The following NKAIN2 variants were observed in gnomAD, a reference collection of about 807,000 sequenced individuals.
The protein encoded by NKAIN2 is sodium/potassium-transporting ATPase subunit beta-1-interacting protein 2.
In NKAIN2, 14 loss-of-function variants were observed where a neutral mutation model predicts 32.6. The observed-to-expected ratio is 0.43, with a 90% CI of 0.28 to 0.67. The LOEUF is 0.67. NKAIN2 is among the 30% of genes least tolerant of loss of function. NKAIN2 has a pLI of 0.17. For missense variants in NKAIN2, 198 were observed against 258.3 expected (o/e 0.77, Z 1.60); for synonymous variants, 80 against 87.2 (o/e 0.92, Z 0.46).
At chr6:124,085,301 G>T (rs2114916070) in intron 1 of NKAIN2, among the ~76,000 whole-genome samples, 1 of 151,956 alleles carries the variant, frequency 6.6e-6, no homozygotes, top group South Asian at 2.1e-4. Flanking sequence ...TATAATTTTG[G>T]CTTAAAAAAT....
At chr6:124,634,979 GAGAA>G (rs1783715692) in intron 3 of NKAIN2, among the ~76,000 whole-genome samples, 1 of 146,624 alleles carries the variant, frequency 6.8e-6, no homozygotes, top group African/African-American at 2.5e-5. Context: ...AAGAAAGAAA[GAGAA>G]AGAAGAGAGA....
At chr6:123,972,172 C>T (rs1245040471) in intron 1 of NKAIN2, among the ~76,000 whole-genome samples, 1 of 152,168 alleles carries the variant, frequency 6.6e-6, no homozygotes, top group Non-Finnish European at 1.5e-5. Flanking sequence ...ATAGAATACA[C>T]AAAATATGTG....
chr6:123,832,907 G>A (rs999272565), intron 1 of NKAIN2, among the ~76,000 whole-genome samples: 4 of 152,002 alleles, frequency 2.6e-5, no homozygotes, highest in African/African-American at 7.2e-5. Context: ...AAATATTGTT[G>A]CCCAGTCTTT....
intron 1 of NKAIN2, among the ~76,000 whole-genome samples, chr6:124,225,781 A>AT (rs1209436644): frequency 1.3e-5 from 2 of 152,032 alleles, no homozygotes; most frequent in Admixed American, 6.6e-5. Context: ...CAGTTGAAGA[A>AT]TTTTTTGTCC....
chr6:124,322,869 C>A (rs2115029207), intron 2 of NKAIN2, among the ~76,000 whole-genome samples: 1 of 152,264 alleles, frequency 6.6e-6, no homozygotes, highest in Non-Finnish European at 1.5e-5. Context: ...AGTGGCTGTA[C>A]AATTTTACAT....
intron 1 of NKAIN2, among the ~76,000 whole-genome samples, chr6:124,210,450 T>C (rs912229105): frequency 2.0e-5 from 3 of 151,834 alleles, no homozygotes; most frequent in South Asian, 2.1e-4. Context: ...TAATTTTTTT[T>C]CTATTTCTGT....
intron 1 of NKAIN2, among the ~76,000 whole-genome samples, chr6:123,954,099 G>A (rs928578277): frequency 6.6e-6 from 1 of 152,218 alleles, no homozygotes; most frequent in Non-Finnish European, 1.5e-5. Flanking sequence ...GGAGGCAGCA[G>A]CCAGCTGCAG....
At chr6:124,465,382 A>G (rs1776703708) in intron 3 of NKAIN2, among the ~76,000 whole-genome samples, 1 of 152,098 alleles carries the variant, frequency 6.6e-6, no homozygotes, top group Admixed American at 6.6e-5. Flanking sequence ...TAACACAGGA[A>G]CAGAAAACCA....
chr6:124,037,107 C>T (rs1411584680), intron 1 of NKAIN2, among the ~76,000 whole-genome samples: 3 of 152,058 alleles, frequency 2.0e-5, no homozygotes, highest in Admixed American at 6.6e-5. Context: ...TTCTTTCTCC[C>T]ATTGTCAGGC....
intron 3 of NKAIN2, among the ~76,000 whole-genome samples, chr6:124,560,462 G>A (rs1780648424): frequency 6.6e-6 from 1 of 152,156 alleles, no homozygotes; most frequent in African/African-American, 2.4e-5. Context: ...GTGCAAGAAC[G>A]AACTAATACA....
intron 1 of NKAIN2, among the ~76,000 whole-genome samples, chr6:124,021,782 T>G (rs1780877462): frequency 6.6e-6 from 1 of 152,054 alleles, no homozygotes; most frequent in Non-Finnish European, 1.5e-5. Flanking sequence ...ATTAAAAAAT[T>G]CTATCCTCTC....
chr6:124,741,307 A>T (rs1260875986), intron 4 of NKAIN2, among the ~76,000 whole-genome samples: 1 of 151,826 alleles, frequency 6.6e-6, no homozygotes, highest in African/African-American at 2.4e-5. Context: ...TAATATTTAG[A>T]TATTACTAAG....
rs1003160965 is a variant in NKAIN2 at position 124,597,301 on chromosome 6, C to T, written c.274-60885C>T. 5.3e-5 allele frequency among the ~76,000 whole-genome samples: 8 copies of T among 152,032 alleles called. 1 individual carries two copies. In the South Asian group the frequency reaches 8.3e-4, roughly 16 times the overall value. On this transcript the variant is annotated intron_variant, in intron 3 of 6. Coordinates refer to ENST00000368417, the MANE Select transcript of NKAIN2 (RefSeq NM_001040214.3). ...TTATATAGCTGTCAATGACTAAAAA[C>T]GCATTTAATCAGGCCAAAATGTTAA...
chr6:124,308,741 T>G (rs1478521491), intron 2 of NKAIN2, among the ~76,000 whole-genome samples: 2 of 152,166 alleles, frequency 1.3e-5, no homozygotes, highest in Non-Finnish European at 2.9e-5. Flanking sequence ...CCTTCTTAAG[T>G]ATATTTACCC....
Position 124,415,878 on chromosome 6 carries a change from C to CTTTTTTTTT in NKAIN2, c.273+60540_273+60548dup. 1.9e-4 allele frequency among the ~76,000 whole-genome samples: 14 copies of CTTTTTTTTT among 72,602 alleles called. 2 individuals carry two copies. The highest frequency in any genetic ancestry group is 1.1e-3 in the South Asian group (2 of 1,780). 47.6% of individuals were successfully genotyped at this position (72,602 alleles called of 152,430 possible). ...TTTTTTAATTTGCTTTTTTTATTTG[C>CTTTTTTTTT]TTTTTTTTTTTTTTTTTGCTAATTT... On this transcript the variant is annotated intron_variant, in intron 3 of 6. Transcript: ENST00000368417.
intron 3 of NKAIN2, among the ~76,000 whole-genome samples, chr6:124,388,988 A>C (rs1773031004): frequency 6.6e-6 from 1 of 152,130 alleles, no homozygotes. Context: ...TTTAAGCATG[A>C]ATGATAGTGC....
At chr6:124,800,280 G>A (rs1780191391) in intron 5 of NKAIN2, among the ~76,000 whole-genome samples, 1 of 152,178 alleles carries the variant, frequency 6.6e-6, no homozygotes, top group South Asian at 2.1e-4. Context: ...GGAGGGCTAA[G>A]AAACACTAGA....
At chr6:124,446,171 T>C (rs1471228694) in intron 3 of NKAIN2, among the ~76,000 whole-genome samples, 1 of 152,122 alleles carries the variant, frequency 6.6e-6, no homozygotes. Flanking sequence ...AACACTACAT[T>C]ATTGCTTTTG....
intron 3 of NKAIN2, among the ~76,000 whole-genome samples, chr6:124,497,169 C>T (rs139606772): frequency 2.6e-4 from 39 of 152,226 alleles, no homozygotes; most frequent in African/African-American, 8.7e-4. Flanking sequence ...TTTAGCTTTG[C>T]TTTAGGAATT....
Sources: allele counts gnomAD v4.1 joint callset (sites outside exome capture counted in the v4.1 genomes callset), GRCh38; gene constraint gnomAD v4.1.1; transcripts MANE v1.5; gene names NCBI Gene and HGNC (gene_info 2026-07-23, HGNC 2026-07-21).